The following TMEM268 variants were observed in gnomAD, a reference collection of about 807,000 sequenced individuals.
TMEM268 encodes transmembrane protein 268.
TMEM268 carries 24 observed loss-of-function variants against 39.1 expected under a neutral mutation model. That is an observed-to-expected ratio of 0.61 (90% CI 0.44 to 0.86). The LOEUF (loss-of-function observed/expected upper bound fraction) is 0.86, where lower values mean the gene tolerates loss of function less well. TMEM268 is among the 40% of genes least tolerant of loss of function. The probability of loss-of-function intolerance (pLI) is 0.00; values close to 1 mark genes in which losing one functional copy is unlikely to be tolerated. For missense variants in TMEM268, 409 were observed against 428.6 expected, an observed-to-expected ratio of 0.95 and a Z score of 0.40; for synonymous variants, 176 against 173.5, an observed-to-expected ratio of 1.01 and a Z score of -0.12.
chr9:114,609,742 G>GGAAA (rs146077247), upstream of TMEM268, among the ~76,000 whole-genome samples: 3,059 of 123,762 alleles, frequency 0.025, 76 homozygotes, highest in East Asian at 0.073. Context: ...AAGGAAGGAA[G>GGAAA]GAAAGAAAGA....
At chr9:114,640,491 T>C (rs905318334) in intron 8 of TMEM268, among the ~76,000 whole-genome samples, 40 of 152,214 alleles carry the variant, frequency 2.6e-4, no homozygotes, top group Admixed American at 1.0e-3. Flanking sequence ...TATGAATTAT[T>C]TTCCCTTTTT....
At position 114,624,214 on chromosome 9, in the gene TMEM268, A is replaced by G. The variant is rs1414566761; in HGVS notation, c.107-136A>G. ...CCAGTCCTTCTCTCAAGAGGATTTG[A>G]GGATGGCCACCGTGTCCCTCCTTGT... On this transcript the variant is annotated intron_variant, in intron 2 of 8. Transcript: ENST00000288502. The G allele has an allele frequency of 5.5e-6, 8 of 1,450,144 alleles. No individual in the cohort carries two copies. The African/African-American group carries it at 1.1e-4, about 21-fold the overall frequency. 89.8% of individuals were successfully genotyped at this position (1,450,144 alleles called of 1,614,324 possible).
rs1230478817 is a variant in TMEM268, at chr9:114,611,486, G to C, written c.-157G>C. 33 of 157,954 alleles carry C rather than the reference G, an allele frequency of 2.1e-4. No individual in the cohort carries two copies. In the East Asian group the frequency reaches 6.1e-3, roughly 29 times the overall value. The allele number at this position is 157,954 out of a possible 1,614,324, so 9.8% of individuals were successfully genotyped here. ...GGGCGCGGGGCTGCGGTGCCCAGAG[G>C]CTGCGGCATTAGGGGCTCGGCGCCC... On this transcript the variant is annotated 5_prime_UTR_variant, in exon 1 of 9. Transcript: ENST00000288502.
chr9:114,605,516 G>A, the TMEM268 span, among the ~76,000 whole-genome samples: 3 of 152,132 alleles, frequency 2.0e-5, no homozygotes, highest in Non-Finnish European at 4.4e-5. Context: ...ACTGGCTCCT[G>A]GGTCAGCTGT....
Position 114,616,386 on chromosome 9 carries a change from G to A in TMEM268, c.-78-732G>A, listed in dbSNP as rs557507954. 2.0e-5 allele frequency among the ~76,000 whole-genome samples: 3 copies of A among 150,618 alleles called. No individual in the cohort carries two copies. In the East Asian group the frequency reaches 5.9e-4, roughly 30 times the overall value. Reference sequence around the variant, plus strand: ...GTTTTTGTTTTTGTTTTTGTTTTGAGACAGGGTCTCTCTCTGTCACCCAGG... The same window carrying A: ...GTTTTTGTTTTTGTTTTTGTTTTGAAACAGGGTCTCTCTCTGTCACCCAGG... On this transcript the variant is annotated intron_variant, in intron 1 of 8. Transcript: ENST00000288502.
the TMEM268 span, among the ~76,000 whole-genome samples, chr9:114,604,823 G>A: frequency 6.6e-6 from 1 of 152,158 alleles, no homozygotes; most frequent in South Asian, 2.1e-4. Flanking sequence ...CAGCAGCCCT[G>A]CAGGTTAGAC....
chr9:114,638,395 A>G (rs1846736075), intron 7 of TMEM268, 149 bp from the exon 8 acceptor site: 1 of 548,596 alleles, frequency 1.8e-6, no homozygotes, highest in Middle Eastern at 4.5e-4. Context: ...GAATTATGTA[A>G]TATCCCGAAT....
Position 114,644,531 on chromosome 9 carries a change from G to C in TMEM268, c.*1218G>C, listed in dbSNP as rs1827494274. 1 of 151,862 alleles carries C rather than the reference G, an allele frequency of 6.6e-6. No homozygotes were observed. The allele number at this position is 151,862 out of a possible 1,614,324, so 9.4% of individuals were successfully genotyped here. A position where few individuals can be genotyped will look rare whatever the true frequency, so the allele number is the denominator to read the frequency against. ...ATATGCCAGTTTTTCTAGCTAGACT[G>C]TAAACTCCTTAAGGACAGAGACTAC... On this transcript the variant is annotated 3_prime_UTR_variant, in exon 9 of 9. Transcript: ENST00000288502.
At chr9:114,621,822 T>C (rs1845956886) in intron 2 of TMEM268, among the ~76,000 whole-genome samples, 1 of 152,090 alleles carries the variant, frequency 6.6e-6, no homozygotes, top group Admixed American at 6.6e-5. Flanking sequence ...AGAACGAGGC[T>C]GAGGGGCTCA....
rs373881124 is a variant in TMEM268 at position 114,624,501 on chromosome 9, A to T, written c.216+42A>T. 101 of 1,547,414 alleles carry T rather than the reference A, an allele frequency of 6.5e-5. 1 individual carries two copies. In the African/African-American group the frequency reaches 1.3e-3, roughly 20 times the overall value. On this transcript the variant is annotated intron_variant, in intron 3 of 8. Coordinates refer to ENST00000288502, the MANE Select transcript of TMEM268 (RefSeq NM_153045.4). ...TTGAATCCCTACCATTTTCTCTTTC[A>T]TCCATTCATCCCTCTATCTTTTCAT...
chr9:114,619,964 T>A (rs1845880284), intron 2 of TMEM268, among the ~76,000 whole-genome samples: 1 of 152,094 alleles, frequency 6.6e-6, no homozygotes, highest in South Asian at 2.1e-4. Flanking sequence ...ATCCCAGCAC[T>A]TTGGGAGGCC....
chr9:114,609,266 A>G (rs7019176), upstream of TMEM268, among the ~76,000 whole-genome samples: 107,073 of 151,676 alleles, frequency 0.71, 38,327 homozygotes, highest in African/African-American at 0.8. Flanking sequence ...AGCCAAGATC[A>G]CACCACTGCA....
chr9:114,642,186 C>A (rs141344581), intron 8 of TMEM268, among the ~76,000 whole-genome samples: 180 of 152,212 alleles, frequency 1.2e-3, no homozygotes, highest in Middle Eastern at 3.4e-3. Flanking sequence ...ACTAACTTCC[C>A]CTTCCCTCCT....
At chr9:114,627,967 A>G (rs1846230672) in intron 4 of TMEM268, 134 bp from the exon 5 acceptor site, 2 of 908,164 alleles carry the variant, frequency 2.2e-6, no homozygotes, top group Non-Finnish European at 3.4e-6. Flanking sequence ...GACTGCATCA[A>G]TCTCTTACTG....
In TMEM268 at chr9:114,627,001, G is replaced by A. The variant is rs201504427; in HGVS notation, c.319G>A (p.Ala107Thr). ...CTCGAGGCCTATGCGGCTGGCCTTT[G>A]CTGTGGTAAGGGGGAGGTGGCCCGC... ...YNSRPMRLAFAVVFYVVVWAN... is the reference protein window; with the variant it reads ...YNSRPMRLAFTVVFYVVVWAN... Residue 107 changes from alanine (A) to threonine (T), a missense_variant, in exon 4 of 9, where the codon GCT becomes ACT. By Grantham distance (58) the Ala-to-Thr change is moderately conservative. Coordinates refer to ENST00000288502, the MANE Select transcript of TMEM268 (RefSeq NM_153045.4). 1.1e-5 allele frequency: 17 copies of A among 1,610,430 alleles called. No homozygotes were observed. Among genetic ancestry groups the A allele is most frequent in the Non-Finnish European group, 1.4e-5 (16 of 1,177,014 alleles).
At chr9:114,607,587 C>T (rs143318243), upstream of TMEM268, among the ~76,000 whole-genome samples, 2,020 of 152,032 alleles carry the variant, frequency 0.013, 67 homozygotes, top group East Asian at 0.099. Context: ...CCTAGGAGGT[C>T]GGGGCTGCAG....
upstream of TMEM268, among the ~76,000 whole-genome samples, chr9:114,608,062 TCTG>T (rs1845389879): frequency 6.6e-6 from 1 of 152,140 alleles, no homozygotes; most frequent in Non-Finnish European, 1.5e-5. Context: ...ACTACTGAAG[TCTG>T]CTTTCCAGCA....
At position 114,627,026 on chromosome 9, in the gene TMEM268, C is replaced by A; in HGVS notation, c.324+20C>A. 1 of 1,525,282 alleles carries A rather than the reference C, an allele frequency of 6.6e-7. No individual in the cohort carries two copies. The highest frequency in any genetic ancestry group is 9.1e-7 in the Non-Finnish European group (1 of 1,100,430). The allele number at this position is 1,525,282 out of a possible 1,614,324, so 94.5% of individuals were successfully genotyped here. A position where few individuals can be genotyped will look rare whatever the true frequency, so the allele number is the denominator to read the frequency against. On this transcript the variant is annotated intron_variant, in intron 4 of 8. Transcript: ENST00000288502. ...GCTGTGGTAAGGGGGAGGTGGCCCGCACACTGACCCTGCCCTGACAGCTTA... is the reference window on the plus strand; with the variant it reads ...GCTGTGGTAAGGGGGAGGTGGCCCGAACACTGACCCTGCCCTGACAGCTTA...
Position 114,642,276 on chromosome 9 carries a change from A to G in TMEM268, c.850-858A>G, listed in dbSNP as rs1308383193. ...CTGATTACTCTAGGTGCCTCCTATT[A>G]GTGGAATCATACAGTACATGTCCTT... On this transcript the variant is annotated intron_variant, in intron 8 of 8. Coordinates refer to ENST00000288502, the MANE Select transcript of TMEM268 (RefSeq NM_153045.4). 2.6e-5 allele frequency among the ~76,000 whole-genome samples: 4 copies of G among 152,286 alleles called. No homozygotes were observed. The East Asian group carries it at 7.7e-4, about 29-fold the overall frequency.
Sources: allele counts gnomAD v4.1 joint callset (sites outside exome capture counted in the v4.1 genomes callset), GRCh38; gene constraint gnomAD v4.1.1; transcripts MANE v1.5; gene names NCBI Gene and HGNC (gene_info 2026-07-23, HGNC 2026-07-21).